The following KCNH7 variants were observed in gnomAD, a reference collection of about 807,000 sequenced individuals.
KCNH7 encodes the protein voltage-gated inwardly rectifying potassium channel KCNH7.
Under a neutral mutation model 120.8 loss-of-function variants are expected in KCNH7, and 49 were observed. That is an observed-to-expected ratio of 0.41 (90% CI 0.32 to 0.51). KCNH7 has a LOEUF of 0.51. Among genes scored for constraint, KCNH7 ranks in the 20% least tolerant of loss-of-function variants. KCNH7 has a pLI of 0.38. For missense variants in KCNH7, 1,097 were observed against 1,446.6 expected, an observed-to-expected ratio of 0.76 and a Z score of 3.92; for synonymous variants, 547 against 516.1, an observed-to-expected ratio of 1.06 and a Z score of -0.81.
intron 2 of KCNH7, among the ~76,000 whole-genome samples, chr2:162,829,979 C>G (rs527688011): frequency 6.6e-6 from 1 of 151,756 alleles, no homozygotes; most frequent in South Asian, 2.1e-4. Flanking sequence ...ATTAATAAGA[C>G]TTGGTGTTTT....
chr2:162,423,658 G>T, intron 8 of KCNH7, 123 bp from the exon 9 acceptor site: 3 of 853,740 alleles, frequency 3.5e-6, no homozygotes, highest in Middle Eastern at 2.8e-4. Context: ...ATTGGATCAC[G>T]GGGAAAAAAA....
chr2:162,771,428 T>C (rs1559125981), intron 2 of KCNH7, among the ~76,000 whole-genome samples: 1 of 152,158 alleles, frequency 6.6e-6, no homozygotes, highest in Non-Finnish European at 1.5e-5. Flanking sequence ...ATGTCAAATA[T>C]CACTTTAGCC....
chr2:162,642,159 T>A (rs948003054), intron 2 of KCNH7, among the ~76,000 whole-genome samples: 1 of 152,140 alleles, frequency 6.6e-6, no homozygotes, highest in Non-Finnish European at 1.5e-5. Context: ...TTTTGCACAA[T>A]TAAATACTTC....
At chr2:162,619,970 T>C (rs893226458) in intron 2 of KCNH7, among the ~76,000 whole-genome samples, 1 of 151,892 alleles carries the variant, frequency 6.6e-6, no homozygotes, top group African/African-American at 2.4e-5. Context: ...AGCAGCTAAA[T>C]TATAATGAAG....
At chr2:162,549,362 T>C (rs1692589283) in intron 2 of KCNH7, among the ~76,000 whole-genome samples, 1 of 152,354 alleles carries the variant, frequency 6.6e-6, no homozygotes, top group South Asian at 2.1e-4. Flanking sequence ...GCCGTTAGCT[T>C]CTCTAAACAG....
chr2:162,801,922 G>A (rs1001332326), intron 2 of KCNH7, among the ~76,000 whole-genome samples: 1 of 151,630 alleles, frequency 6.6e-6, no homozygotes, highest in African/African-American at 2.4e-5. Context: ...CTAAATACCT[G>A]TTCACTTACT....
At chr2:162,604,721 C>T (rs1366218467) in intron 2 of KCNH7, among the ~76,000 whole-genome samples, 1 of 152,006 alleles carries the variant, frequency 6.6e-6, no homozygotes, top group East Asian at 1.9e-4. Flanking sequence ...CTTACTTCAA[C>T]TCTATTTATC....
chr2:162,419,083 G>C (rs1473678577), intron 9 of KCNH7, among the ~76,000 whole-genome samples: 1 of 151,666 alleles, frequency 6.6e-6, no homozygotes, highest in Non-Finnish European at 1.5e-5. Flanking sequence ...TGCAATGGAA[G>C]TGCTATCAAG....
intron 2 of KCNH7, among the ~76,000 whole-genome samples, chr2:162,554,016 T>TCCTCCCATG: frequency 6.6e-6 from 1 of 152,196 alleles, no homozygotes; most frequent in Admixed American, 6.5e-5. Flanking sequence ...TTCTGACATT[T>TCCTCCCATG]CCTCCCATGC....
At chr2:162,510,631 CA>C (rs1039040481) in intron 5 of KCNH7, among the ~76,000 whole-genome samples, 5 of 151,434 alleles carry the variant, frequency 3.3e-5, no homozygotes, top group Admixed American at 6.6e-5. Context: ...TAAATTCAAC[CA>C]AAAAATGTTT....
At chr2:162,661,208 A>C (rs1236299104) in intron 2 of KCNH7, among the ~76,000 whole-genome samples, 1 of 152,146 alleles carries the variant, frequency 6.6e-6, no homozygotes, top group Non-Finnish European at 1.5e-5. Flanking sequence ...GTGCTCTGTC[A>C]ATGCAAACTC....
intron 2 of KCNH7, among the ~76,000 whole-genome samples, chr2:162,668,753 A>G (rs1422756313): frequency 6.6e-6 from 1 of 152,174 alleles, no homozygotes; most frequent in Non-Finnish European, 1.5e-5. Context: ...AATCTTTACA[A>G]TTTCAAATAT....
chr2:162,604,232 G>C (rs755897428), intron 2 of KCNH7, among the ~76,000 whole-genome samples: 9 of 151,892 alleles, frequency 5.9e-5, no homozygotes, highest in Non-Finnish European at 1.2e-4. Context: ...AAGTTGCTTT[G>C]GTGATGAAAA....
intron 2 of KCNH7, among the ~76,000 whole-genome samples, chr2:162,808,200 G>C (rs527840651): frequency 6.6e-6 from 1 of 152,254 alleles, no homozygotes; most frequent in Non-Finnish European, 1.5e-5. Context: ...TATGTAAATA[G>C]TTGTTACACT....
chr2:162,468,845 C>T (rs1689397022), intron 6 of KCNH7, among the ~76,000 whole-genome samples: 1 of 149,750 alleles, frequency 6.7e-6, no homozygotes, highest in Non-Finnish European at 1.5e-5. Context: ...CTGCACCCAG[C>T]CTCTTTCCCT....
intron 6 of KCNH7, among the ~76,000 whole-genome samples, chr2:162,466,404 ACAT>A (rs1689305655): frequency 6.6e-6 from 1 of 152,222 alleles, no homozygotes; most frequent in Middle Eastern, 3.2e-3. Context: ...GTCCTTCTAC[ACAT>A]GGCGGCAGGA....
intron 13 of KCNH7, among the ~76,000 whole-genome samples, chr2:162,383,138 A>G (rs1195215066): frequency 2.0e-5 from 3 of 151,962 alleles, no homozygotes; most frequent in African/African-American, 7.2e-5. Flanking sequence ...CCCAAATTAT[A>G]TATTTAATAA....
intron 2 of KCNH7, among the ~76,000 whole-genome samples, chr2:162,766,407 A>C (rs1174672205): frequency 2.0e-5 from 3 of 152,194 alleles, no homozygotes; most frequent in Non-Finnish European, 4.4e-5. Context: ...AAGGTCTAAA[A>C]CATGGCAATA....
intron 4 of KCNH7, among the ~76,000 whole-genome samples, chr2:162,513,454 T>TTCC (rs1691178586): frequency 1.4e-5 from 1 of 69,636 alleles, no homozygotes. Context: ...TCCTTCCTTC[T>TTCC]CTCCTTCCCT....
Sources: gnomAD v4.1 joint callset for allele counts (sites outside exome capture counted in the v4.1 genomes callset) on GRCh38, gnomAD v4.1.1 for gene constraint, MANE v1.5 for transcripts, NCBI Gene and HGNC (gene_info 2026-07-23, HGNC 2026-07-21) for gene names.